RTL4: variants seen among roughly 807,000 people sequenced by gnomAD.
RTL4 encodes retrotransposon Gag-like protein 4.
Under a neutral mutation model 5.3 loss-of-function variants are expected in RTL4, and 4 were observed. The observed-to-expected ratio is 0.75, with a 90% CI of 0.37 to 1.72. The LOEUF (loss-of-function observed/expected upper bound fraction) is 1.72. Ranked by LOEUF, RTL4 falls within the 40% of genes most tolerant of loss-of-function variation. RTL4 has a pLI of 0.04. For synonymous variants in RTL4, 98 were observed against 87.3 expected (o/e 1.12, Z -0.68); for missense variants, 260 against 227.1 (o/e 1.14, Z -0.93).
chrX:112,296,366 C>T, the RTL4 span, among the ~76,000 whole-genome samples: 6 of 111,341 alleles, frequency 5.4e-5, no homozygotes, highest in Non-Finnish European at 9.4e-5. Flanking sequence ...AATTCCTGAA[C>T]GTGTTCCAGG....
the RTL4 span, among the ~76,000 whole-genome samples, chrX:112,192,589 T>A: frequency 0.015 from 1,715 of 111,613 alleles, 37 homozygotes; most frequent in African/African-American, 0.052. Flanking sequence ...ACTTTAATTA[T>A]AACAATCCAT....
chrX:112,270,290 A>T, the RTL4 span, among the ~76,000 whole-genome samples: 1 of 112,657 alleles, frequency 8.9e-6, no homozygotes, highest in Admixed American at 9.4e-5. Context: ...GATTAATCAA[A>T]GTGCTTTCTA....
the RTL4 span, among the ~76,000 whole-genome samples, chrX:112,206,330 T>G: frequency 2.6e-4 from 29 of 111,681 alleles, no homozygotes; most frequent in African/African-American, 8.8e-4. Flanking sequence ...GGTGACAGGA[T>G]TTTACAGAGT....
chrX:112,416,369 A>G, the RTL4 span, among the ~76,000 whole-genome samples: 2 of 112,104 alleles, frequency 1.8e-5, no homozygotes, highest in East Asian at 2.8e-4. Context: ...TCCTTCTTAT[A>G]TCATTTCAAC....
At chrX:112,115,525 T>C in the RTL4 span, among the ~76,000 whole-genome samples, 4 of 111,449 alleles carry the variant, frequency 3.6e-5, no homozygotes, top group Non-Finnish European at 7.5e-5. Context: ...CTTCTCATCA[T>C]ATGAATAGGA....
the RTL4 span, among the ~76,000 whole-genome samples, chrX:112,327,860 T>G: frequency 4.5e-5 from 5 of 110,904 alleles, no homozygotes; most frequent in African/African-American, 1.6e-4. Flanking sequence ...TTCAACATTC[T>G]TAAAGAAAAG....
chrX:112,446,808 A>G, the RTL4 span, among the ~76,000 whole-genome samples: 1 of 112,021 alleles, frequency 8.9e-6, no homozygotes, highest in South Asian at 3.8e-4. Context: ...AGATCGCTCC[A>G]TTGCACTTCA....
the RTL4 span, among the ~76,000 whole-genome samples, chrX:112,179,478 C>G: frequency 5.4e-5 from 6 of 111,675 alleles, no homozygotes; most frequent in African/African-American, 1.6e-4. Context: ...GTTCACCAAG[C>G]CGAATCTGGT....
the RTL4 span, among the ~76,000 whole-genome samples, chrX:112,415,602 C>T: frequency 9.1e-6 from 1 of 110,288 alleles, no homozygotes; most frequent in Non-Finnish European, 1.9e-5. Flanking sequence ...ATTACTGGAT[C>T]GCAGGGTATG....
chrX:112,279,973 T>A, the RTL4 span, among the ~76,000 whole-genome samples: 1 of 111,353 alleles, frequency 9.0e-6, no homozygotes, highest in Non-Finnish European at 1.9e-5. Context: ...ACTGCCAAAA[T>A]AATGTAAACA....
At chrX:112,155,004 T>A in the RTL4 span, among the ~76,000 whole-genome samples, 2 of 111,176 alleles carry the variant, frequency 1.8e-5, no homozygotes, top group African/African-American at 6.5e-5. Flanking sequence ...TATGAGGACA[T>A]AACATTCATT....
the RTL4 span, among the ~76,000 whole-genome samples, chrX:112,193,082 C>T: frequency 0.015 from 1,639 of 111,282 alleles, 33 homozygotes; most frequent in African/African-American, 0.05. Context: ...CATCTCATTG[C>T]CTTTGGCATT....
chrX:112,386,722 T>C, the RTL4 span, among the ~76,000 whole-genome samples: 1 of 112,236 alleles, frequency 8.9e-6, no homozygotes, highest in African/African-American at 3.2e-5. Flanking sequence ...TTCCATCATA[T>C]ATGTATGCCA....
chrX:112,454,860 G>A (rs753200482), exon 1 of RTL4: 1 of 1,208,807 alleles, frequency 8.3e-7, no homozygotes, highest in African/African-American at 1.8e-5. Context: ...GCCAAGTCAT[G>A]CCTGCCCTGG....
chrX:112,244,990 A>G, the RTL4 span, among the ~76,000 whole-genome samples: 1 of 111,959 alleles, frequency 8.9e-6, no homozygotes, highest in African/African-American at 3.2e-5. Flanking sequence ...CTGGATTGAA[A>G]ATTCTTTTCT....
the RTL4 span, among the ~76,000 whole-genome samples, chrX:112,269,395 T>C: frequency 1.8e-5 from 2 of 111,765 alleles, no homozygotes; most frequent in Non-Finnish European, 3.8e-5. Context: ...GAGGGACCTT[T>C]AGTTTCCTCT....
the RTL4 span, among the ~76,000 whole-genome samples, chrX:112,442,315 A>C: frequency 9.3e-6 from 1 of 107,475 alleles, no homozygotes; most frequent in African/African-American, 3.4e-5. Context: ...GTCTCGGCTC[A>C]CTGCAACCTC....
At chrX:112,423,648 T>C in the RTL4 span, among the ~76,000 whole-genome samples, 1 of 111,562 alleles carries the variant, frequency 9.0e-6, no homozygotes, top group Non-Finnish European at 1.9e-5. Flanking sequence ...CTTCTTGTTT[T>C]GGCCACCTTG....
the RTL4 span, among the ~76,000 whole-genome samples, chrX:112,163,831 C>G: frequency 9.0e-6 from 1 of 111,653 alleles, no homozygotes; most frequent in East Asian, 2.9e-4. Flanking sequence ...TGGTAGTTCC[C>G]TTGAAAACAG....
Sources: allele counts gnomAD v4.1 joint callset (sites outside exome capture counted in the v4.1 genomes callset), GRCh38; gene constraint gnomAD v4.1.1; transcripts MANE v1.5; gene names NCBI Gene and HGNC (gene_info 2026-07-23, HGNC 2026-07-21).